The following COMMD10 variants were observed in gnomAD, a reference collection of about 807,000 sequenced individuals.
COMMD10 encodes COMM domain containing 10, also known as COMM domain-containing protein 10.
Under a neutral mutation model 28.9 loss-of-function variants are expected in COMMD10, and 33 were observed. The observed-to-expected ratio is 1.14, with a 90% CI of 0.87 to 1.53. The LOEUF is 1.53. Ranked by LOEUF, COMMD10 falls within the 40% of genes most tolerant of loss-of-function variation. The pLI, the probability that COMMD10 is intolerant of heterozygous loss-of-function variation, is 0.00. For synonymous variants in COMMD10, 110 were observed against 81.7 expected, an observed-to-expected ratio of 1.35 and a Z score of -1.87; for missense variants, 310 against 233.4, an observed-to-expected ratio of 1.33 and a Z score of -2.14.
chr5:116,156,971 C>A (rs1402372875), intron 5 of COMMD10, among the ~76,000 whole-genome samples: 1 of 152,110 alleles, frequency 6.6e-6, no homozygotes, highest in Non-Finnish European at 1.5e-5. Context: ...CAGTTAGGAA[C>A]AACCAGTTGA....
In COMMD10 at chr5:116,177,126, C is replaced by G. The variant is rs77156632; in HGVS notation, c.510+42948C>G. The stretch of plus-strand genomic sequence containing the variant: ...CTGATAGGTAGCATGTTCTAGATCA[C>G]GTACTATTGTGTTGGAAGAGCCTCA... On this transcript the variant is annotated intron_variant, in intron 5 of 6. Coordinates refer to ENST00000274458, the MANE Select transcript of COMMD10 (RefSeq NM_016144.4). Among the ~76,000 whole-genome samples, 31 of 152,118 alleles carry G rather than the reference C, an allele frequency of 2.0e-4. No individual in the cohort carries two copies. In the East Asian group the frequency reaches 6.0e-3, roughly 30 times the overall value.
chr5:116,186,748 A>G (rs1748150669), intron 5 of COMMD10, among the ~76,000 whole-genome samples: 1 of 152,146 alleles, frequency 6.6e-6, no homozygotes, highest in Non-Finnish European at 1.5e-5. Context: ...TAAATTAACA[A>G]CTGTAGCTTT....
chr5:116,226,829 TC>T (rs1428509817), intron 5 of COMMD10, among the ~76,000 whole-genome samples: 1 of 152,124 alleles, frequency 6.6e-6, no homozygotes, highest in African/African-American at 2.4e-5. Context: ...TCAAGGATAT[TC>T]CTATTTTCTG....
intron 5 of COMMD10, among the ~76,000 whole-genome samples, chr5:116,265,629 G>A (rs1388876753): frequency 6.6e-6 from 1 of 151,760 alleles, no homozygotes; most frequent in African/African-American, 2.4e-5. Flanking sequence ...TCAAGGCCCT[G>A]GGCTACGTAC....
chr5:116,254,241 A>G (rs1436383903), intron 5 of COMMD10, among the ~76,000 whole-genome samples: 1 of 152,166 alleles, frequency 6.6e-6, no homozygotes, highest in Non-Finnish European at 1.5e-5. Context: ...ATCCTTTCAA[A>G]AAACCAGTTC....
chr5:116,177,877 C>A (rs562963498), intron 5 of COMMD10, among the ~76,000 whole-genome samples: 1 of 151,900 alleles, frequency 6.6e-6, no homozygotes, highest in South Asian at 2.1e-4. Flanking sequence ...CATATTTTTC[C>A]TTTTGGAATT....
chr5:116,176,383 G>A (rs137962755), intron 5 of COMMD10, among the ~76,000 whole-genome samples: 2,019 of 152,218 alleles, frequency 0.013, 46 homozygotes, highest in African/African-American at 0.045. Context: ...CAAAGTGTTG[G>A]GATTACAGGT....
At chr5:116,214,389 T>C (rs1334830064) in intron 5 of COMMD10, among the ~76,000 whole-genome samples, 1 of 152,130 alleles carries the variant, frequency 6.6e-6, no homozygotes, top group African/African-American at 2.4e-5. Context: ...AACAAAACTT[T>C]TTTATTCTGT....
intron 5 of COMMD10, among the ~76,000 whole-genome samples, chr5:116,151,717 T>A (rs1317812214): frequency 6.6e-6 from 1 of 152,180 alleles, no homozygotes; most frequent in African/African-American, 2.4e-5. Flanking sequence ...CCTTTATCAT[T>A]TTTGTTGTGT....
At chr5:116,253,227 T>C (rs1750173003) in intron 5 of COMMD10, among the ~76,000 whole-genome samples, 7 of 122,166 alleles carry the variant, frequency 5.7e-5, no homozygotes, top group African/African-American at 1.9e-4. Flanking sequence ...AGATATACAA[T>C]CATGTCATCT....
chr5:116,266,708 G>A (rs1750595011), intron 5 of COMMD10, among the ~76,000 whole-genome samples: 1 of 151,718 alleles, frequency 6.6e-6, no homozygotes, highest in Non-Finnish European at 1.5e-5. Flanking sequence ...TAAAACACTG[G>A]CAAACTGAAT....
At chr5:116,224,635 G>A (rs1190984435) in intron 5 of COMMD10, among the ~76,000 whole-genome samples, 1 of 152,072 alleles carries the variant, frequency 6.6e-6, no homozygotes, top group Non-Finnish European at 1.5e-5. Flanking sequence ...TTTATTGTGA[G>A]GACAGCACCA....
chr5:116,257,084 A>G (rs1750309593), intron 5 of COMMD10, among the ~76,000 whole-genome samples: 1 of 151,712 alleles, frequency 6.6e-6, no homozygotes, highest in East Asian at 1.9e-4. Context: ...TTTTTTAGGT[A>G]AGAAGAAATA....
intron 5 of COMMD10, among the ~76,000 whole-genome samples, chr5:116,186,865 G>A (rs570381602): frequency 7.9e-5 from 12 of 152,242 alleles, no homozygotes; most frequent in Non-Finnish European, 1.3e-4. Flanking sequence ...TTCCACTAGA[G>A]TTATTAAGCA....
rs752124091 is a variant in COMMD10 at position 116,085,073 on chromosome 5, G to C, written c.21G>C (p.Leu7=). The change falls in exon 1 of 7, where the codon CTG becomes CTC. Residue 7 remains leucine (L), a synonymous_variant. Coordinates refer to ENST00000274458, the MANE Select transcript of COMMD10 (RefSeq NM_016144.4). ...CGAAGATGGCGGTCCCCGCGGCGCT[G>C]ATCCTACGGGAGAGCCCCAGGTAGC... The part of the protein sequence containing the change: MAVPAA[L]ILRESPSMKK... The C allele has an allele frequency of 1.2e-6, 2 of 1,610,144 alleles. No homozygotes were observed. Among genetic ancestry groups the C allele is most frequent in the South Asian group, 2.2e-5 (2 of 90,306 alleles).
At position 116,232,138 on chromosome 5, in the gene COMMD10, A is replaced by T. The variant is rs1260998761; in HGVS notation, c.511-59379A>T. Among the ~76,000 whole-genome samples, 3 of 152,198 alleles carry T rather than the reference A, an allele frequency of 2.0e-5. No individual in the cohort carries two copies. The East Asian group carries it at 5.8e-4, about 29-fold the overall frequency. Reference sequence around the variant, plus strand: ...TGCTTCTGATGCTAAACAGCATGTCAGGATTGCATACTGTATCAATTTCAG... The same window carrying T: ...TGCTTCTGATGCTAAACAGCATGTCTGGATTGCATACTGTATCAATTTCAG... On this transcript the variant is annotated intron_variant, in intron 5 of 6. Transcript: ENST00000274458.
chr5:116,146,645 C>T (rs903222942), intron 5 of COMMD10, among the ~76,000 whole-genome samples: 1 of 151,822 alleles, frequency 6.6e-6, no homozygotes, highest in Non-Finnish European at 1.5e-5. Flanking sequence ...AGCATGTTTA[C>T]GGTGTTAGTT....
At chr5:116,118,110 T>A (rs1284383723) in intron 4 of COMMD10, among the ~76,000 whole-genome samples, 1 of 152,220 alleles carries the variant, frequency 6.6e-6, no homozygotes, top group Non-Finnish European at 1.5e-5. Context: ...CTAATCTCTT[T>A]ACTTCAAAAG....
At chr5:116,168,052 T>C (rs569192256) in intron 5 of COMMD10, among the ~76,000 whole-genome samples, 1 of 147,036 alleles carries the variant, frequency 6.8e-6, no homozygotes, top group African/African-American at 2.5e-5. Context: ...TTGGATAGAG[T>C]CAAGACCCAT....
Sources: allele counts gnomAD v4.1 joint callset (sites outside exome capture counted in the v4.1 genomes callset), GRCh38; gene constraint gnomAD v4.1.1; transcripts MANE v1.5; gene names NCBI Gene and HGNC (gene_info 2026-07-23, HGNC 2026-07-21).